CHTOP: variants seen among roughly 807,000 people sequenced by gnomAD.
The protein encoded by CHTOP is chromatin target of PRMT1 protein.
Under a neutral mutation model 33.6 loss-of-function variants are expected in CHTOP, and 18 were observed. That is an observed-to-expected ratio of 0.54 (90% CI 0.37 to 0.80). The LOEUF is 0.80. Ranked by LOEUF, CHTOP falls within the 30% of genes least tolerant of loss-of-function variation. CHTOP has a pLI of 0.00. For missense variants in CHTOP, 263 were observed against 336.8 expected (o/e 0.78, Z 1.71); for synonymous variants, 117 against 127.7 (o/e 0.92, Z 0.56).
rs1571323251 is a variant in CHTOP, at chr1:153,645,365, T to C, written c.*96T>C. 14 of 1,214,582 alleles carry C rather than the reference T, an allele frequency of 1.2e-5. No homozygotes were observed. Among genetic ancestry groups the C allele is most frequent in the Non-Finnish European group, 1.6e-5 (14 of 858,704 alleles). The allele number at this position is 1,214,582 out of a possible 1,614,324, so 75.2% of individuals were successfully genotyped here. A position where few individuals can be genotyped will look rare whatever the true frequency, so the allele number is the denominator to read the frequency against. On this transcript the variant is annotated 3_prime_UTR_variant, in exon 6 of 6. Coordinates refer to ENST00000368694, the MANE Select transcript of CHTOP (RefSeq NM_015607.4). ...GAGAAGAAATCTGATTGATGCTGGA[T>C]GGACCTATCACAATAGGCTGTGGAC...
intron 2 of CHTOP, 97 bp downstream of exon 2, chr1:153,636,750 C>A: frequency 2.0e-6 from 2 of 997,892 alleles, no homozygotes; most frequent in Non-Finnish European, 3.1e-6. Flanking sequence ...AAGCTAAATA[C>A]CAACAGAAGG....
At chr1:153,636,528 TG>T (rs1296807399) in intron 1 of CHTOP, 43 bp from the exon 2 acceptor site, 4 of 1,499,508 alleles carry the variant, frequency 2.7e-6, no homozygotes, top group Non-Finnish European at 3.7e-6. Flanking sequence ...ATAGAAATGA[TG>T]TCACTATTGT....
In CHTOP at chr1:153,645,138, C is replaced by G. The variant is rs1300363461; in HGVS notation, c.616C>G (p.Leu206Val). Residue 206 changes from leucine to valine, a missense_variant, in exon 6 of 6, where the codon CTT becomes GTT. Around this residue, in one of 3 missense-constraint regions of CHTOP, gnomAD observed 168 missense variants for 179.9 expected, o/e 0.93. Transcript: ENST00000368694. ...GRGRGRGRGALARPVLTKEQL... is the reference protein window; with the variant it reads ...GRGRGRGRGAVARPVLTKEQL... ...AGGCCGTGGACGAGGGAGAGGTGCC[C>G]TTGCTCGCCCTGTATTGACCAAGGA... 5.0e-6 allele frequency: 8 copies of G among 1,614,126 alleles called. No individual in the cohort carries two copies. The highest frequency in any genetic ancestry group is 1.3e-5 in the African/African-American group (1 of 75,004).
At position 153,645,300 on chromosome 1, in the gene CHTOP, G is replaced by C. The variant is rs541090488; in HGVS notation, c.*31G>C. 1 of 1,600,516 alleles carries C rather than the reference G, an allele frequency of 6.2e-7. No homozygotes were observed. Among genetic ancestry groups the C allele is most frequent in the Non-Finnish European group, 8.6e-7 (1 of 1,168,718 alleles). The stretch of plus-strand genomic sequence containing the variant: ...GCCCATCCTCCCATGAGAGACTCTT[G>C]TTAGTCAACACATCTGTAAATAACC... On this transcript the variant is annotated 3_prime_UTR_variant, in exon 6 of 6. Transcript: ENST00000368694.
At chr1:153,636,975 A>G (rs1448101884) in intron 2 of CHTOP, 1 of 239,408 alleles carries the variant, frequency 4.2e-6, no homozygotes, top group African/African-American at 2.2e-5. Flanking sequence ...CCCTGGCTAC[A>G]GTAGGCTTGC....
chr1:153,642,120 C>G (rs1361691724), intron 3 of CHTOP, 126 bp from the exon 4 acceptor site: 1 of 691,612 alleles, frequency 1.4e-6, no homozygotes, highest in Non-Finnish European at 2.4e-6. Context: ...CTTTTGACAC[C>G]CACAACAGGT....
intron 1 of CHTOP, 63 bp downstream of exon 1, chr1:153,634,406 C>T: frequency 6.5e-6 from 1 of 153,012 alleles, no homozygotes; most frequent in East Asian, 1.9e-4. Context: ...AAGGGGCCGG[C>T]GGACGCGGAA....
intron 1 of CHTOP, among the ~76,000 whole-genome samples, chr1:153,635,394 C>T (rs1229382062): frequency 6.6e-6 from 1 of 151,846 alleles, no homozygotes; most frequent in East Asian, 1.9e-4. Context: ...TCAAGCATTC[C>T]TCCCGCCTTG....
chr1:153,639,781 TTTTGG>T (rs766245424), intron 3 of CHTOP, among the ~76,000 whole-genome samples: 7 of 152,166 alleles, frequency 4.6e-5, no homozygotes, highest in Admixed American at 3.3e-4. Flanking sequence ...TTTTTTATGT[TTTTGG>T]TTTGGTTTGG....
In CHTOP at chr1:153,643,265, C is replaced by T; in HGVS notation, c.442C>T (p.Arg148Ter). ...CCGAGGTGGACGAGCCGTAGCTCCCCGAATGGGCTTAAGAAGAGGTGGTGT... is the reference window on the plus strand; with the variant it reads ...CCGAGGTGGACGAGCCGTAGCTCCCTGAATGGGCTTAAGAAGAGGTGGTGT... Reference protein sequence around the residue: ...LLRGGRAVAPRMGLRRGGVRG... With the variant: ...LLRGGRAVAP Residue 148 changes from arginine to a stop codon, truncating the protein, a stop_gained, in exon 5 of 6, where the codon CGA becomes TGA. Transcript: ENST00000368694. LOFTEE classifies it high-confidence loss of function. 2 of 1,614,110 alleles carry T rather than the reference C, an allele frequency of 1.2e-6. No individual in the cohort carries two copies. The highest frequency in any genetic ancestry group is 1.3e-5 in the African/African-American group (1 of 75,012).
At chr1:153,638,063 C>T (rs1033515105) in intron 2 of CHTOP, 6 of 519,662 alleles carry the variant, frequency 1.2e-5, no homozygotes, top group African/African-American at 3.8e-5. Context: ...CCTGAGCCCT[C>T]GTTATCACTT....
rs1467229768 is a variant in CHTOP, at chr1:153,646,147, CAT to C, written c.*879_*880del. ...CCATGCTAAAATGCAATTATATCCT[CAT>C]GTTTATCCCAAACTAATCTTGGACT... On this transcript the variant is annotated 3_prime_UTR_variant, in exon 6 of 6. Transcript: ENST00000368694. 1 of 152,204 alleles carries C rather than the reference CAT, an allele frequency of 6.6e-6. No homozygotes were observed. The highest frequency in any genetic ancestry group is 2.4e-5 in the African/African-American group (1 of 41,450). The allele number at this position is 152,204 out of a possible 1,614,324, so 9.4% of individuals were successfully genotyped here.
intron 2 of CHTOP, chr1:153,637,982 A>G (rs1170124767): frequency 6.7e-6 from 2 of 299,948 alleles, no homozygotes; most frequent in South Asian, 7.6e-5. Context: ...CTTTGAAACT[A>G]TATCTTCTGT....
At chr1:153,638,043 A>G (rs1668474021) in intron 2 of CHTOP, 1 of 472,536 alleles carries the variant, frequency 2.1e-6, no homozygotes, top group Non-Finnish European at 3.8e-6. Context: ...CACCTCTCTA[A>G]AAGCCGTTAC....
At chr1:153,643,020 C>A in intron 4 of CHTOP, 1 of 603,770 alleles carries the variant, frequency 1.7e-6, no homozygotes, top group East Asian at 2.9e-5. Flanking sequence ...AATTAACTCC[C>A]AACTTCCAAA....
rs1332753551 is a variant in CHTOP at position 153,646,295 on chromosome 1, C to G, written c.*1026C>G. The G allele has an allele frequency of 6.6e-6, 1 of 151,646 alleles. No individual in the cohort carries two copies. The highest frequency in any genetic ancestry group is 1.5e-5 in the Non-Finnish European group (1 of 67,974). 9.4% of individuals were successfully genotyped at this position (151,646 alleles called of 1,614,324 possible). On this transcript the variant is annotated 3_prime_UTR_variant, in exon 6 of 6. Coordinates refer to ENST00000368694, the MANE Select transcript of CHTOP (RefSeq NM_015607.4). ...TTCTGGTTCATTATAACAAACTGTTCGCTTAAATCCACCCAGGACTCTCTT... is the reference window on the plus strand; with the variant it reads ...TTCTGGTTCATTATAACAAACTGTTGGCTTAAATCCACCCAGGACTCTCTT...
chr1:153,639,780 TTTTTG>T (rs1261876235), intron 3 of CHTOP, among the ~76,000 whole-genome samples: 1 of 151,992 alleles, frequency 6.6e-6, no homozygotes, highest in Admixed American at 6.6e-5. Flanking sequence ...TTTTTTTATG[TTTTTG>T]GTTTGGTTTG....
At chr1:153,636,712 C>G (rs1668419918) in intron 2 of CHTOP, 59 bp downstream of exon 2, 17 of 1,502,568 alleles carry the variant, frequency 1.1e-5, no homozygotes, top group Non-Finnish European at 1.5e-5. Flanking sequence ...TAACTTGGCC[C>G]TGGGGTCCAA....
At chr1:153,638,507 C>CT in intron 3 of CHTOP, 59 bp downstream of exon 3, 3 of 1,597,276 alleles carry the variant, frequency 1.9e-6, no homozygotes, top group Non-Finnish European at 2.6e-6. Context: ...AGGGAGTCCA[C>CT]TGAGGCTGTC....
Sources: allele counts gnomAD v4.1 joint callset (sites outside exome capture counted in the v4.1 genomes callset), GRCh38; gene constraint gnomAD v4.1.1; regional missense constraint gnomAD v4.1.1; transcripts MANE v1.5; gene names NCBI Gene and HGNC (gene_info 2026-07-23, HGNC 2026-07-21).